The following UBE2W variants were observed in gnomAD, a reference collection of about 807,000 sequenced individuals.
UBE2W encodes ubiquitin conjugating enzyme E2 W.
A neutral mutation model predicts 27.2 loss-of-function variants in UBE2W; 18 were observed. That is an observed-to-expected ratio of 0.66 (90% CI 0.46 to 0.98). The LOEUF is 0.98. Among genes scored for constraint, UBE2W ranks in the 50% least tolerant of loss-of-function variants. UBE2W has a pLI of 0.00. For missense variants in UBE2W, 90 were observed against 180.2 expected, an observed-to-expected ratio of 0.50 and a Z score of 2.87; for synonymous variants, 53 against 57.2, an observed-to-expected ratio of 0.93 and a Z score of 0.33.
intron 1 of UBE2W, among the ~76,000 whole-genome samples, chr8:73,871,490 T>C (rs908228854): frequency 5.9e-5 from 9 of 152,256 alleles, no homozygotes; most frequent in African/African-American, 1.9e-4. Flanking sequence ...TTTGGGTCTT[T>C]TCATTACAGA....
At chr8:73,877,428 A>G (rs1322058289) in intron 1 of UBE2W, among the ~76,000 whole-genome samples, 3 of 152,220 alleles carry the variant, frequency 2.0e-5, no homozygotes, top group Non-Finnish European at 4.4e-5. Context: ...GCAAGTCCAG[A>G]GGGAGAAGCA....
intron 3 of UBE2W, among the ~76,000 whole-genome samples, chr8:73,821,261 G>A (rs902517818): frequency 4.2e-4 from 64 of 151,988 alleles, no homozygotes; most frequent in Admixed American, 7.9e-4. Context: ...AAATGAGGAT[G>A]AATCTACCTC....
intron 3 of UBE2W, among the ~76,000 whole-genome samples, chr8:73,821,527 G>C (rs1416462743): frequency 7.3e-6 from 1 of 137,246 alleles, no homozygotes; most frequent in Non-Finnish European, 1.5e-5. Context: ...TGTGGTGGGG[G>C]GGTGGAGTGG....
intron 4 of UBE2W, chr8:73,780,642 T>C: frequency 2.8e-6 from 1 of 352,722 alleles, no homozygotes; most frequent in Non-Finnish European, 5.6e-6. Flanking sequence ...ACACCTTAGT[T>C]TCCAGCTACT....
chr8:73,803,002 C>T (rs1424465706), intron 5 of UBE2W, among the ~76,000 whole-genome samples: 1 of 151,592 alleles, frequency 6.6e-6, no homozygotes, highest in East Asian at 1.9e-4. Context: ...CCAGCCTGGG[C>T]GACAGCAAGA....
chr8:73,784,548 C>G (rs184318517), downstream of UBE2W, among the ~76,000 whole-genome samples: 1 of 152,200 alleles, frequency 6.6e-6, no homozygotes, highest in Admixed American at 6.5e-5. Context: ...ACTTTATGTC[C>G]TAGGAAGAAA....
intron 4 of UBE2W, among the ~76,000 whole-genome samples, chr8:73,806,875 T>C (rs1006051419): frequency 6.6e-6 from 1 of 152,184 alleles, no homozygotes; most frequent in African/African-American, 2.4e-5. Context: ...GAAAAATATA[T>C]ATTGGCATTT....
chr8:73,858,488 T>A (rs1811398010), intron 1 of UBE2W, among the ~76,000 whole-genome samples: 1 of 151,962 alleles, frequency 6.6e-6, no homozygotes. Context: ...CGTTGCCAAT[T>A]CAAGAAATTA....
intron 3 of UBE2W, among the ~76,000 whole-genome samples, chr8:73,816,779 T>C (rs771353210): frequency 6.6e-6 from 1 of 152,206 alleles, no homozygotes; most frequent in Non-Finnish European, 1.5e-5. Context: ...AAGCCTGTAA[T>C]CCCAGCAGTT....
intron 5 of UBE2W, among the ~76,000 whole-genome samples, chr8:73,803,843 T>G (rs1407456082): frequency 6.6e-6 from 1 of 151,576 alleles, no homozygotes; most frequent in African/African-American, 2.4e-5. Flanking sequence ...CTCCGCTCAC[T>G]ATGAGCTCCG....
At chr8:73,796,973 T>C (rs2130849308) in intron 5 of UBE2W, among the ~76,000 whole-genome samples, 1 of 152,258 alleles carries the variant, frequency 6.6e-6, no homozygotes, top group African/African-American at 2.4e-5. Flanking sequence ...AAAAGAATGG[T>C]ATATTTAATC....
intron 1 of UBE2W, among the ~76,000 whole-genome samples, chr8:73,848,251 T>G (rs973555644): frequency 2.6e-5 from 4 of 152,192 alleles, no homozygotes; most frequent in African/African-American, 9.7e-5. Flanking sequence ...TATTCATACA[T>G]GGCAATAAAA....
chr8:73,863,426 G>T (rs1228403144), intron 1 of UBE2W, among the ~76,000 whole-genome samples: 2 of 149,308 alleles, frequency 1.3e-5, no homozygotes, highest in Non-Finnish European at 3.0e-5. Context: ...TGGGGACTGT[G>T]GTGGGGTGGG....
chr8:73,850,223 A>C (rs1811013706), intron 1 of UBE2W, among the ~76,000 whole-genome samples: 1 of 152,230 alleles, frequency 6.6e-6, no homozygotes, highest in South Asian at 2.1e-4. Flanking sequence ...AACCATAAGG[A>C]GTATCTTTCA....
intron 1 of UBE2W, among the ~76,000 whole-genome samples, chr8:73,834,380 A>T (rs906230261): frequency 1.3e-5 from 2 of 152,210 alleles, no homozygotes; most frequent in Admixed American, 6.5e-5. Context: ...GATCACGTAC[A>T]TTTTTTTAAA....
At chr8:73,833,931 A>G (rs1810199309) in intron 1 of UBE2W, 1 of 152,126 alleles carries the variant, frequency 6.6e-6, no homozygotes, top group Non-Finnish European at 1.5e-5. Flanking sequence ...AGGTCACCAT[A>G]TTGATGCCGA....
chr8:73,848,238 G>A (rs1810903344), intron 1 of UBE2W, among the ~76,000 whole-genome samples: 1 of 151,886 alleles, frequency 6.6e-6, no homozygotes, highest in Admixed American at 6.6e-5. Context: ...TTGGTAAATT[G>A]TATATTCATA....
intron 4 of UBE2W, among the ~76,000 whole-genome samples, chr8:73,781,012 G>A (rs1468896149): frequency 1.3e-5 from 2 of 151,752 alleles, no homozygotes; most frequent in Non-Finnish European, 2.9e-5. Context: ...GCTCACGCCT[G>A]TAATCCCAGC....
chr8:73,833,054 G>A lies in UBE2W; in HGVS notation c.16-2582C>T, dbSNP rs182981851. On this transcript the variant is annotated intron_variant, in intron 1 of 5. Coordinates refer to ENST00000602593, the MANE Select transcript of UBE2W (RefSeq NM_018299.6). Reference sequence around the variant, plus strand: ...AAAAAAATTAGCCAGGCGTGGTGGCGCGTGCCTGTAGTCCCAGCTACTCAA... The same window carrying A: ...AAAAAAATTAGCCAGGCGTGGTGGCACGTGCCTGTAGTCCCAGCTACTCAA... Among the ~76,000 whole-genome samples the A allele has an allele frequency of 4.6e-5, 7 of 151,998 alleles. No individual in the cohort carries two copies. The East Asian group carries it at 5.8e-4, about 13-fold the overall frequency.
Sources: allele counts gnomAD v4.1 joint callset (sites outside exome capture counted in the v4.1 genomes callset), GRCh38; gene constraint gnomAD v4.1.1; transcripts MANE v1.5; gene names NCBI Gene and HGNC (gene_info 2026-07-23, HGNC 2026-07-21).